The following CDKN2B-AS1 variants were observed in gnomAD, a reference collection of about 807,000 sequenced individuals.
CDKN2B-AS1 encodes the protein CDKN2B antisense RNA 1 (non-protein coding).
chr9:22,081,856 TATC>T (rs1388424452), intron 4 of CDKN2B-AS1, among the ~76,000 whole-genome samples: 3 of 152,238 alleles, frequency 2.0e-5, no homozygotes, highest in East Asian at 3.8e-4. Flanking sequence ...GAAAGCTGGC[TATC>T]ATCATCATTT....
intron 1 of CDKN2B-AS1, chr9:22,029,578 G>A: frequency 5.2e-6 from 4 of 765,620 alleles, no homozygotes; most frequent in South Asian, 4.2e-5. Context: ...GTGCCACTGA[G>A]GCCCACACCT....
chr9:22,059,220 G>C (rs1446240600), intron 4 of CDKN2B-AS1, among the ~76,000 whole-genome samples: 1 of 152,168 alleles, frequency 6.6e-6, no homozygotes, highest in Non-Finnish European at 1.5e-5. Flanking sequence ...TCTCATCTGA[G>C]ACAAGGGTAG....
chr9:22,078,761 G>T (rs1233152443), intron 4 of CDKN2B-AS1, among the ~76,000 whole-genome samples: 1 of 152,132 alleles, frequency 6.6e-6, no homozygotes, highest in African/African-American at 2.4e-5. Context: ...TCTTCATTAG[G>T]AGTAAAATAT....
At chr9:22,107,771 A>G (rs1373673000) in intron 4 of CDKN2B-AS1, among the ~76,000 whole-genome samples, 1 of 152,214 alleles carries the variant, frequency 6.6e-6, no homozygotes, top group African/African-American at 2.4e-5. Flanking sequence ...TGTGGCCTTC[A>G]GGCAGCCAGG....
chr9:22,126,612 C>G (rs535030752), intron 4 of CDKN2B-AS1, among the ~76,000 whole-genome samples: 1 of 129,740 alleles, frequency 7.7e-6, no homozygotes, highest in Non-Finnish European at 1.5e-5. Context: ...GAGTCTCGCT[C>G]GCCCAGGCCG....
chr9:22,088,441 GCACA>G (rs3222818), intron 4 of CDKN2B-AS1, among the ~76,000 whole-genome samples: 12,858 of 149,596 alleles, frequency 0.086, 1,167 homozygotes, highest in African/African-American at 0.24. Context: ...AAATGTGCAA[GCACA>G]CACACACACA....
intron 1 of CDKN2B-AS1, among the ~76,000 whole-genome samples, chr9:22,014,582 A>T (rs541778612): frequency 4.6e-5 from 7 of 152,278 alleles, no homozygotes; most frequent in African/African-American, 1.4e-4. Context: ...TTTCAAAATA[A>T]TGAGTTGAGT....
In CDKN2B-AS1 at chr9:21,999,440, A is replaced by T. The variant is rs1455790422; in HGVS notation, n.29+4279A>T. On this transcript the variant is annotated intron_variant and non_coding_transcript_variant, in intron 1 of 4. Transcript: ENST00000650946. The surrounding 1 kb of genome is among the most constrained non-coding windows in gnomAD (Gnocchi z 4.7). The stretch of plus-strand genomic sequence containing the variant: ...ATATATAATACATATCTTTATATAC[A>T]CATATGTACACACATATCTGTAAGT... 1.3e-5 allele frequency among the ~76,000 whole-genome samples: 2 copies of T among 151,930 alleles called. No homozygotes were observed. Among genetic ancestry groups the T allele is most frequent in the African/African-American group, 4.8e-5 (2 of 41,378 alleles).
intron 4 of CDKN2B-AS1, chr9:22,059,138 A>G (rs900908752): frequency 1.6e-4 from 25 of 152,276 alleles, no homozygotes; most frequent in African/African-American, 6.0e-4. Context: ...TTCCAAACCA[A>G]CCATGCCTTC....
intron 4 of CDKN2B-AS1, among the ~76,000 whole-genome samples, chr9:22,094,011 T>A (rs564151985): frequency 4.8e-5 from 7 of 144,798 alleles, no homozygotes; most frequent in Admixed American, 1.3e-4. Context: ...AGGGCAGGCC[T>A]GGTGGTGACA....
At chr9:22,044,225 T>C (rs1355839693) in intron 1 of CDKN2B-AS1, among the ~76,000 whole-genome samples, 3 of 152,024 alleles carry the variant, frequency 2.0e-5, no homozygotes, top group Non-Finnish European at 4.4e-5. Context: ...AAAATTTGGA[T>C]GTGATGGTGG....
chr9:22,111,392 A>C (rs992805406), intron 4 of CDKN2B-AS1, among the ~76,000 whole-genome samples: 26 of 152,192 alleles, frequency 1.7e-4, no homozygotes, highest in African/African-American at 4.8e-4. Context: ...CCTAAAGAGC[A>C]GGGATTCAAC....
intron 1 of CDKN2B-AS1, among the ~76,000 whole-genome samples, chr9:22,035,488 C>T (rs1324277427): frequency 6.6e-6 from 1 of 152,142 alleles, no homozygotes; most frequent in Non-Finnish European, 1.5e-5. Context: ...ATACCCATGG[C>T]AGTAAGCTTC....
intron 4 of CDKN2B-AS1, among the ~76,000 whole-genome samples, chr9:22,101,277 A>T (rs561198071): frequency 1.3e-5 from 2 of 152,274 alleles, no homozygotes; most frequent in South Asian, 4.1e-4. Flanking sequence ...ATTACTTTCA[A>T]TGCTCATAAC....
rs72652491 is a variant in CDKN2B-AS1 at position 22,105,033 on chromosome 9, C to G, written n.439-22070C>G. On this transcript the variant is annotated intron_variant and non_coding_transcript_variant, in intron 4 of 4. Transcript: ENST00000650946. The stretch of plus-strand genomic sequence containing the variant: ...AGGAGTCAACAAAAAAATACTCAGC[C>G]TTAGGTATTCTGACTAGAAGCTTGG... Among the ~76,000 whole-genome samples the G allele has an allele frequency of 3.0e-3, 450 of 152,222 alleles. 1 individual carries two copies. Among genetic ancestry groups the G allele is most frequent in the Non-Finnish European group, 5.2e-3 (355 of 68,006 alleles).
intron 1 of CDKN2B-AS1, chr9:22,012,639 A>C (rs991211364): frequency 2.7e-6 from 1 of 376,760 alleles, no homozygotes; most frequent in East Asian, 6.8e-5. Context: ...AAAAGTATGA[A>C]TAGAACTGGT....
intron 1 of CDKN2B-AS1, among the ~76,000 whole-genome samples, chr9:22,037,359 C>T (rs958700916): frequency 6.6e-6 from 1 of 152,068 alleles, no homozygotes; most frequent in African/African-American, 2.4e-5. Context: ...AACCTCACTT[C>T]TATCTCTAGC....
chr9:22,015,858 T>C (rs982194120), intron 1 of CDKN2B-AS1, among the ~76,000 whole-genome samples: 3 of 152,130 alleles, frequency 2.0e-5, no homozygotes, highest in African/African-American at 4.8e-5. Flanking sequence ...ATGATGAGCA[T>C]TTTTTCATGT....
At chr9:22,086,470 C>T (rs993741631) in intron 4 of CDKN2B-AS1, among the ~76,000 whole-genome samples, 26 of 152,210 alleles carry the variant, frequency 1.7e-4, no homozygotes, top group African/African-American at 5.1e-4. Context: ...CCCAAGCACA[C>T]GTGAGATGAA....
Sources: gnomAD v4.1 joint callset for allele counts (sites outside exome capture counted in the v4.1 genomes callset) on GRCh38, gnomAD v4.1.1 for gene constraint, Gnocchi (gnomAD v3.1) non-coding constraint, MANE v1.5 for transcripts, NCBI Gene and HGNC (gene_info 2026-07-23, HGNC 2026-07-21) for gene names.